The following PSAP variants were observed in gnomAD, a reference collection of about 807,000 sequenced individuals.
The protein encoded by PSAP is precursor of saposins.
Under a neutral mutation model 66.0 loss-of-function variants are expected in PSAP, and 25 were observed. The ratio of observed to expected loss-of-function variants is 0.38; its 90% CI spans 0.28 to 0.53. The LOEUF is 0.53. Among genes scored for constraint, PSAP ranks in the 20% least tolerant of loss-of-function variants. The pLI, the probability that PSAP is intolerant of heterozygous loss-of-function variation, is 0.83. For missense variants in PSAP, 649 were observed against 668.8 expected, an observed-to-expected ratio of 0.97 and a Z score of 0.33; for synonymous variants, 273 against 258.9, an observed-to-expected ratio of 1.05 and a Z score of -0.52.
intron 1 of PSAP, 148 bp from the exon 2 acceptor site, chr10:71,834,653 A>G: frequency 9.8e-7 from 1 of 1,017,828 alleles, no homozygotes; most frequent in Non-Finnish European, 1.5e-6. Context: ...CCAGCCACAC[A>G]GATACACGCC....
intron 1 of PSAP, among the ~76,000 whole-genome samples, chr10:71,845,336 CG>C (rs1259660767): frequency 3.9e-5 from 6 of 152,166 alleles, no homozygotes; most frequent in African/African-American, 1.4e-4. Context: ...TGGCTCTCTA[CG>C]GGGGCAGCTG....
At chr10:71,823,066 C>T (rs1453089338) in intron 7 of PSAP, among the ~76,000 whole-genome samples, 1 of 151,184 alleles carries the variant, frequency 6.6e-6, no homozygotes, top group Admixed American at 6.6e-5. Context: ...CTGCCTCGAT[C>T]AGCTTTGTTC....
chr10:71,820,072 C>T (rs1443471475), intron 9 of PSAP, among the ~76,000 whole-genome samples, 168 bp downstream of exon 9: 1 of 152,200 alleles, frequency 6.6e-6, no homozygotes, highest in East Asian at 1.9e-4. Context: ...CCCGGACCCC[C>T]GCCAGCCTAG....
chr10:71,821,816 C>T (rs978429294), intron 8 of PSAP, 60 bp downstream of exon 8: 152 of 1,609,852 alleles, frequency 9.4e-5, no homozygotes, highest in Non-Finnish European at 1.3e-4. Context: ...TGATGTGACA[C>T]AGCAGGGAGT....
intron 7 of PSAP, among the ~76,000 whole-genome samples, chr10:71,824,493 G>A (rs988335466): frequency 6.6e-6 from 1 of 152,236 alleles, no homozygotes; most frequent in Admixed American, 6.5e-5. Context: ...GCAGGGATAT[G>A]CATATATGTA....
intron 4 of PSAP, 148 bp downstream of exon 4, chr10:71,830,978 T>A: frequency 8.1e-7 from 1 of 1,228,164 alleles, no homozygotes; most frequent in Non-Finnish European, 1.2e-6. Context: ...CCAAAGGAGC[T>A]ATTCTGGATG....
chr10:71,828,750 G>T, intron 5 of PSAP, 127 bp downstream of exon 5: 2 of 963,510 alleles, frequency 2.1e-6, no homozygotes, highest in Non-Finnish European at 3.1e-6. Flanking sequence ...GCTGGCTCAT[G>T]TGACTGCAGA....
In PSAP at chr10:71,828,827, T is replaced by C. The variant is rs1294925757; in HGVS notation, c.576+50A>G. 3 of 1,602,708 alleles carry C rather than the reference T, an allele frequency of 1.9e-6. No homozygotes were observed. In the East Asian group the frequency reaches 6.7e-5, roughly 36 times the overall value. ...CCCTCTCTGTCCCTTTGGTCTCTCA[T>C]CTCCAGTGCAACCAAAAATGGGTCC... On this transcript the variant is annotated intron_variant, in intron 5 of 13. Coordinates refer to ENST00000394936, the MANE Select transcript of PSAP (RefSeq NM_002778.4).
chr10:71,818,411 A>G (rs1162870604), intron 13 of PSAP, among the ~76,000 whole-genome samples: 1 of 151,988 alleles, frequency 6.6e-6, no homozygotes, highest in Non-Finnish European at 1.5e-5. Context: ...AATAAAATCC[A>G]CCCCACCCTT....
At chr10:71,840,263 G>C (rs924339591) in intron 1 of PSAP, among the ~76,000 whole-genome samples, 65 of 152,088 alleles carry the variant, frequency 4.3e-4, no homozygotes, top group African/African-American at 1.4e-3. Context: ...CAGGGCAGCA[G>C]ATCTGCTGCC....
At chr10:71,820,195 CG>C (rs753081725) in intron 9 of PSAP, 44 bp downstream of exon 9, 6 of 1,519,452 alleles carry the variant, frequency 3.9e-6, no homozygotes, top group East Asian at 4.5e-5. Flanking sequence ...CATTCAGGCT[CG>C]GGGGGGCAGG....
chr10:71,823,618 T>C (rs1435506648), intron 7 of PSAP, among the ~76,000 whole-genome samples: 1 of 152,154 alleles, frequency 6.6e-6, no homozygotes, highest in African/African-American at 2.4e-5. Flanking sequence ...GTACGTATGC[T>C]GTATGTGGAC....
chr10:71,845,765 G>A (rs1345407661), intron 1 of PSAP, among the ~76,000 whole-genome samples: 1 of 152,110 alleles, frequency 6.6e-6, no homozygotes, highest in Non-Finnish European at 1.5e-5. Context: ...CCAAGCATTC[G>A]GGTTACCAGG....
chr10:71,833,862 C>T (rs569702927), intron 2 of PSAP, among the ~76,000 whole-genome samples: 2 of 152,376 alleles, frequency 1.3e-5, no homozygotes, highest in Admixed American at 6.5e-5. Flanking sequence ...GGCAACTGCA[C>T]TCCAGGATCT....
intron 1 of PSAP, among the ~76,000 whole-genome samples, chr10:71,850,826 C>T (rs1842913748): frequency 6.6e-6 from 1 of 152,262 alleles, no homozygotes; most frequent in Non-Finnish European, 1.5e-5. Context: ...CCAGCACAGG[C>T]ACAACACAGC....
At chr10:71,837,547 G>A (rs976858602) in intron 1 of PSAP, among the ~76,000 whole-genome samples, 1 of 152,238 alleles carries the variant, frequency 6.6e-6, no homozygotes, top group Admixed American at 6.5e-5. Flanking sequence ...CTCCACACAA[G>A]CAGGTAAACA....
At chr10:71,838,718 T>TGG (rs1175133767) in intron 1 of PSAP, among the ~76,000 whole-genome samples, 2 of 151,994 alleles carry the variant, frequency 1.3e-5, no homozygotes, top group African/African-American at 4.8e-5. Flanking sequence ...CCAGCACCAC[T>TGG]GCACTCCAGC....
rs563967691 is a variant in PSAP, at chr10:71,844,495, G to A, written c.40+6687C>T. The stretch of plus-strand genomic sequence containing the variant: ...AGCCTGGCCAACATGGTGAAACCCT[G>A]TGTGTACTAAAAATACAAACGTTAG... On this transcript the variant is annotated intron_variant, in intron 1 of 13. Coordinates refer to ENST00000394936, the MANE Select transcript of PSAP (RefSeq NM_002778.4). Among the ~76,000 whole-genome samples, 22 of 152,204 alleles carry A rather than the reference G, an allele frequency of 1.4e-4. No individual in the cohort carries two copies. The South Asian group carries it at 4.6e-3, about 32-fold the overall frequency.
rs765607332 is a variant in PSAP, at chr10:71,821,896, C to A, written c.889G>T (p.Glu297Ter). The A allele has an allele frequency of 6.2e-7, 1 of 1,614,200 alleles. No individual in the cohort carries two copies. Among genetic ancestry groups the A allele is most frequent in the Non-Finnish European group, 8.5e-7 (1 of 1,180,026 alleles). The change falls in exon 8 of 14, where the codon GAA (glutamate) becomes TAA (stop). Residue 297 changes from glutamate to a stop codon, truncating the protein, a stop_gained. Transcript: ENST00000394936. LOFTEE classifies it high-confidence loss of function. ...GGTACCTTAATGGGCTCCACCAGTT[C>A]CAGGGCAGGGATGACATTCTTGGAG... ...VASKNVIPAL[E>*]LVEPIKKHEV...
Sources: gnomAD v4.1 joint callset for allele counts (sites outside exome capture counted in the v4.1 genomes callset) on GRCh38, gnomAD v4.1.1 for gene constraint, MANE v1.5 for transcripts, NCBI Gene and HGNC (gene_info 2026-07-23, HGNC 2026-07-21) for gene names.